SIPA1L3: variants seen among roughly 807,000 people sequenced by gnomAD.
The protein encoded by SIPA1L3 is signal-induced proliferation-associated 1-like protein 3.
In SIPA1L3, 59 loss-of-function variants were observed where a neutral mutation model predicts 150.1. The ratio of observed to expected loss-of-function variants is 0.39; its 90% CI spans 0.32 to 0.49. The LOEUF (loss-of-function observed/expected upper bound fraction) is 0.49, where lower values mean the gene tolerates loss of function less well. SIPA1L3 is among the 20% of genes least tolerant of loss of function. The probability of loss-of-function intolerance (pLI) is 0.86; values close to 1 mark genes in which losing one functional copy is unlikely to be tolerated. For missense variants in SIPA1L3, 2,211 were observed against 2,489.5 expected, an observed-to-expected ratio of 0.89 and a Z score of 2.38; for synonymous variants, 1,070 against 1,077.6, an observed-to-expected ratio of 0.99 and a Z score of 0.14.
intron 1 of SIPA1L3, among the ~76,000 whole-genome samples, chr19:37,932,998 C>G (rs1049028057): frequency 2.0e-5 from 3 of 147,990 alleles, no homozygotes; most frequent in Non-Finnish European, 4.5e-5. Context: ...TAGATGAGCT[C>G]TGTGGTCTCG....
chr19:38,145,597 T>A (rs1000581012), intron 12 of SIPA1L3, among the ~76,000 whole-genome samples: 1 of 149,996 alleles, frequency 6.7e-6, no homozygotes, highest in Admixed American at 6.7e-5. Flanking sequence ...TCACGCAGCC[T>A]CCCCTATTGT....
intron 7 of SIPA1L3, among the ~76,000 whole-genome samples, chr19:38,107,411 C>G (rs989911376): frequency 6.6e-6 from 1 of 152,164 alleles, no homozygotes; most frequent in Non-Finnish European, 1.5e-5. Context: ...GTGGGTGTGG[C>G]TGCCAGCAGG....
intron 1 of SIPA1L3, among the ~76,000 whole-genome samples, chr19:37,991,575 G>T (rs942903694): frequency 1.3e-5 from 2 of 152,240 alleles, no homozygotes; most frequent in African/African-American, 4.8e-5. Flanking sequence ...GCTGGCTTAT[G>T]TACCCCACCT....
At chr19:37,969,818 C>A (rs2046937613) in intron 1 of SIPA1L3, among the ~76,000 whole-genome samples, 1 of 152,090 alleles carries the variant, frequency 6.6e-6, no homozygotes, top group Admixed American at 6.6e-5. Context: ...TCAAAGAGGC[C>A]CTTCTGGACT....
At chr19:38,144,683 CAA>C (rs1013089515) in intron 12 of SIPA1L3, among the ~76,000 whole-genome samples, 10 of 152,218 alleles carry the variant, frequency 6.6e-5, no homozygotes, top group East Asian at 5.8e-4. Context: ...CAAAGGGTCT[CAA>C]GAGCTTTCTG....
At chr19:38,037,186 T>G (rs1024725121) in intron 2 of SIPA1L3, among the ~76,000 whole-genome samples, 1 of 152,196 alleles carries the variant, frequency 6.6e-6, no homozygotes, top group African/African-American at 2.4e-5. Flanking sequence ...GCTGTGTGAT[T>G]ATGTCTGCAC....
At chr19:38,075,179 G>T (rs1344762374) in intron 2 of SIPA1L3, among the ~76,000 whole-genome samples, 1 of 152,206 alleles carries the variant, frequency 6.6e-6, no homozygotes, top group African/African-American at 2.4e-5. Flanking sequence ...ACTATTTACT[G>T]GGCGTGGTGG....
chr19:37,956,364 A>T (rs2046810617), intron 1 of SIPA1L3, among the ~76,000 whole-genome samples: 1 of 151,914 alleles, frequency 6.6e-6, no homozygotes, highest in African/African-American at 2.4e-5. Flanking sequence ...TTGTTATTTC[A>T]TTGAGTTGTA....
At chr19:37,979,230 A>G (rs778549617) in intron 1 of SIPA1L3, among the ~76,000 whole-genome samples, 2 of 151,984 alleles carry the variant, frequency 1.3e-5, no homozygotes, top group Non-Finnish European at 2.9e-5. Flanking sequence ...AGTTAACACT[A>G]TTTCATGCCA....
intron 1 of SIPA1L3, among the ~76,000 whole-genome samples, chr19:37,926,392 C>T (rs935188241): frequency 1.3e-5 from 2 of 152,198 alleles, no homozygotes; most frequent in African/African-American, 4.8e-5. Context: ...CTTTGGCTTT[C>T]TGCGTCTTGG....
intron 2 of SIPA1L3, among the ~76,000 whole-genome samples, chr19:38,030,780 GC>G (rs1166846037): frequency 2.6e-5 from 4 of 151,970 alleles, no homozygotes; most frequent in Non-Finnish European, 1.5e-5. Context: ...AGTGGCATGG[GC>G]CCCCAGCTGC....
chr19:37,985,651 G>A lies in SIPA1L3; in HGVS notation c.-378-43438G>A, dbSNP rs940348035. Among the ~76,000 whole-genome samples, 51 of 152,220 alleles carry A rather than the reference G, an allele frequency of 3.4e-4. 1 individual carries two copies. Among genetic ancestry groups the A allele is most frequent in the African/African-American group, 1.2e-3 (50 of 41,458 alleles). On this transcript the variant is annotated intron_variant, in intron 1 of 21. Transcript: ENST00000222345. ...TGAAAAGGAGCCAGTCATGCACACA[G>A]GTGGGTGAACAAGGGTGAGAATGTG...
chr19:38,077,562 A>G (rs539120295), intron 2 of SIPA1L3, among the ~76,000 whole-genome samples: 2 of 151,894 alleles, frequency 1.3e-5, no homozygotes, highest in South Asian at 2.1e-4. Context: ...ATAGACACAC[A>G]GAGGCAAGCA....
intron 12 of SIPA1L3, 136 bp from the exon 13 acceptor site, chr19:38,152,704 A>C: frequency 2.3e-6 from 2 of 886,460 alleles, no homozygotes; most frequent in Non-Finnish European, 3.3e-6. Context: ...AGCCTTCCTA[A>C]CCGCTTTCTC....
intron 1 of SIPA1L3, among the ~76,000 whole-genome samples, chr19:37,950,042 A>G (rs1599831708): frequency 1.4e-5 from 2 of 139,090 alleles, no homozygotes; most frequent in Non-Finnish European, 3.0e-5. Context: ...GCGCCATTGC[A>G]CTCCAACCTG....
chr19:37,997,746 A>G (rs1304798776), intron 1 of SIPA1L3, among the ~76,000 whole-genome samples: 1 of 150,674 alleles, frequency 6.6e-6, no homozygotes, highest in African/African-American at 2.4e-5. Flanking sequence ...GCGCTCCTGT[A>G]GTCCAGCTAC....
chr19:38,207,550 G>A lies in SIPA1L3; in HGVS notation c.*1310G>A, dbSNP rs1973247298. On this transcript the variant is annotated 3_prime_UTR_variant, in exon 22 of 22. Coordinates refer to ENST00000222345, the MANE Select transcript of SIPA1L3 (RefSeq NM_015073.3). Reference sequence around the variant, plus strand: ...AGCTGAGGACCAAGGCGTGTCCCCTGTGGGCTGGGGGTCAGTGGGAGGACC... The same window carrying A: ...AGCTGAGGACCAAGGCGTGTCCCCTATGGGCTGGGGGTCAGTGGGAGGACC... 1.3e-5 allele frequency: 2 copies of A among 151,902 alleles called. No homozygotes were observed. The allele number at this position is 151,902 out of a possible 1,614,324, so 9.4% of individuals were successfully genotyped here.
rs542019270 is a variant in SIPA1L3 at position 38,034,729 on chromosome 19, G to A, written c.-311+5573G>A. On this transcript the variant is annotated intron_variant, in intron 2 of 21. Transcript: ENST00000222345. ...GTCCTCGGGAGAGCACCAGCTGCAC[G>A]TCTTATTCCTGGCAGCCCTGCAGGG... 6.6e-5 allele frequency among the ~76,000 whole-genome samples: 10 copies of A among 152,306 alleles called. No individual in the cohort carries two copies. In the South Asian group the frequency reaches 8.3e-4, roughly 13 times the overall value.
At chr19:38,151,961 CA>C (rs35851181) in intron 12 of SIPA1L3, among the ~76,000 whole-genome samples, 197 of 86,130 alleles carry the variant, frequency 2.3e-3, no homozygotes, top group African/African-American at 6.9e-3. Flanking sequence ...GACCCCATCT[CA>C]AAAAAAAAAA....
Sources: allele counts gnomAD v4.1 joint callset (sites outside exome capture counted in the v4.1 genomes callset), GRCh38; gene constraint gnomAD v4.1.1; transcripts MANE v1.5; gene names NCBI Gene and HGNC (gene_info 2026-07-23, HGNC 2026-07-21).